ARSJ: variants seen among roughly 807,000 people sequenced by gnomAD.
ARSJ encodes the protein arylsulfatase J.
ARSJ carries 26 observed loss-of-function variants against 35.9 expected under a neutral mutation model. The observed-to-expected ratio is 0.72, with a 90% CI of 0.53 to 1.00. The LOEUF (loss-of-function observed/expected upper bound fraction) is 1.00. Among genes scored for constraint, ARSJ ranks in the 50% least tolerant of loss-of-function variants. The pLI, the probability that ARSJ is intolerant of heterozygous loss-of-function variation, is 0.00. For missense variants in ARSJ, 667 were observed against 723.6 expected (o/e 0.92, Z 0.90); for synonymous variants, 294 against 267.6 (o/e 1.10, Z -0.96).
chr4:113,917,435 T>G (rs1351037866), intron 1 of ARSJ, among the ~76,000 whole-genome samples: 1 of 152,178 alleles, frequency 6.6e-6, no homozygotes, highest in Non-Finnish European at 1.5e-5. Context: ...GGATATTTTA[T>G]AATAATATAA....
intron 1 of ARSJ, among the ~76,000 whole-genome samples, chr4:113,932,417 C>T (rs1270514161): frequency 6.6e-6 from 1 of 152,034 alleles, no homozygotes; most frequent in East Asian, 1.9e-4. Flanking sequence ...TTATTTTCAA[C>T]AGCAAATGGA....
chr4:113,973,253 A>T (rs1010511855), intron 1 of ARSJ, among the ~76,000 whole-genome samples: 1 of 152,036 alleles, frequency 6.6e-6, no homozygotes, highest in Non-Finnish European at 1.5e-5. Flanking sequence ...TACATAACTA[A>T]ATTTTGATCC....
chr4:113,903,629 G>A lies in ARSJ; in HGVS notation c.445C>T (p.Gln149Ter). Residue 149 changes from glutamine (Q) to a stop codon, truncating the protein, a stop_gained, in exon 2 of 2, where the codon CAA (glutamine) becomes TAA (stop). Transcript: ENST00000315366. LOFTEE classifies it high-confidence loss of function. The stretch of plus-strand genomic sequence containing the variant: ...TTGTCCAGAGGTAAACAGTTGGGTT[G>A]GGTAGGTCTTATGATAGAATGTTGA... ...GLQHSIIRPT[Q>*]PNCLPLDNAT... 1 of 1,614,052 alleles carries A rather than the reference G, an allele frequency of 6.2e-7. No individual in the cohort carries two copies.
intron 1 of ARSJ, among the ~76,000 whole-genome samples, chr4:113,962,529 G>A (rs576833383): frequency 4.8e-5 from 6 of 124,554 alleles, no homozygotes; most frequent in African/African-American, 1.5e-4. Flanking sequence ...ACTTGAATTT[G>A]TCCTTGACTC....
Position 113,979,554 on chromosome 4 carries a change from A to C in ARSJ, c.-720T>G, listed in dbSNP as rs1175064394. ...TTTTCCCCGCTGCTAGGGAGCCTGA[A>C]GGCCAAAGCCGGGTCCCTAGCCCCG... On this transcript the variant is annotated 5_prime_UTR_variant, in exon 1 of 2. Transcript: ENST00000315366. 6.6e-6 allele frequency: 1 copy of C among 152,256 alleles called. No individual in the cohort carries two copies. The highest frequency in any genetic ancestry group is 1.9e-4 in the East Asian group (1 of 5,190). 9.4% of individuals were successfully genotyped at this position (152,256 alleles called of 1,614,324 possible).
chr4:113,951,505 C>T (rs940302047), intron 1 of ARSJ, among the ~76,000 whole-genome samples: 91 of 152,040 alleles, frequency 6.0e-4, no homozygotes, highest in Non-Finnish European at 2.9e-5. Context: ...GAAGTCGACA[C>T]TTTATTAAGA....
At chr4:113,971,165 A>T (rs572870680) in intron 1 of ARSJ, among the ~76,000 whole-genome samples, 1 of 152,152 alleles carries the variant, frequency 6.6e-6, no homozygotes, top group South Asian at 2.1e-4. Context: ...CTTACAAAAA[A>T]GATGAAATCA....
chr4:113,904,712 A>T (rs1261766997), intron 1 of ARSJ, among the ~76,000 whole-genome samples: 1 of 152,026 alleles, frequency 6.6e-6, no homozygotes, highest in Non-Finnish European at 1.5e-5. Flanking sequence ...GATGGTCTCG[A>T]TCTCCTGACC....
chr4:113,960,039 T>G (rs1307322507), intron 1 of ARSJ, among the ~76,000 whole-genome samples: 2 of 151,818 alleles, frequency 1.3e-5, no homozygotes, highest in African/African-American at 2.4e-5. Flanking sequence ...ATCATTACGG[T>G]TTTTTTTCAG....
rs1257038078 is a variant in ARSJ at position 113,970,757 on chromosome 4, C to T, written c.398+7680G>A. ...ATCACTTAAGCCCAGGAGTTAGAGA[C>T]CAGCTTGGACAACATGGCAAAACCC... On this transcript the variant is annotated intron_variant, in intron 1 of 1. Coordinates refer to ENST00000315366, the MANE Select transcript of ARSJ (RefSeq NM_024590.4). 7 of 152,286 alleles carry T rather than the reference C, an allele frequency of 4.6e-5. No individual in the cohort carries two copies. In the East Asian group the frequency reaches 1.2e-3, roughly 25 times the overall value. The allele number at this position is 152,286 out of a possible 1,614,324, so 9.4% of individuals were successfully genotyped here.
At chr4:113,938,717 T>C (rs962801595) in intron 1 of ARSJ, among the ~76,000 whole-genome samples, 15 of 151,026 alleles carry the variant, frequency 9.9e-5, no homozygotes, top group African/African-American at 3.6e-4. Flanking sequence ...TTTAAACAAA[T>C]TTACAAGAAA....
chr4:113,963,498 C>A (rs544033091), intron 1 of ARSJ, among the ~76,000 whole-genome samples: 5 of 152,044 alleles, frequency 3.3e-5, no homozygotes, highest in Admixed American at 3.3e-4. Flanking sequence ...CACTCACTAT[C>A]ATGAGAACAG....
chr4:113,950,503 A>G (rs894561391), intron 1 of ARSJ, among the ~76,000 whole-genome samples: 1 of 152,076 alleles, frequency 6.6e-6, no homozygotes, highest in African/African-American at 2.4e-5. Flanking sequence ...ATTCACTGAG[A>G]AACATTATCC....
At chr4:113,940,307 C>A (rs1193704266) in intron 1 of ARSJ, among the ~76,000 whole-genome samples, 1 of 152,060 alleles carries the variant, frequency 6.6e-6, no homozygotes, top group Admixed American at 6.6e-5. Context: ...TACTATGCAG[C>A]CTTAAAAAGG....
At chr4:113,938,686 C>T (rs974959036) in intron 1 of ARSJ, among the ~76,000 whole-genome samples, 4 of 151,364 alleles carry the variant, frequency 2.6e-5, no homozygotes, top group Non-Finnish European at 5.9e-5. Flanking sequence ...GATTACAGAC[C>T]TATCCAGAAT....
At chr4:113,948,063 C>A (rs1725611103) in intron 1 of ARSJ, among the ~76,000 whole-genome samples, 1 of 151,992 alleles carries the variant, frequency 6.6e-6, no homozygotes, top group African/African-American at 2.4e-5. Flanking sequence ...GTGGTGCACA[C>A]ATGTAGTTCC....
At chr4:113,966,489 T>G (rs1176533308) in intron 1 of ARSJ, among the ~76,000 whole-genome samples, 3 of 152,164 alleles carry the variant, frequency 2.0e-5, no homozygotes, top group Non-Finnish European at 4.4e-5. Context: ...GCACATGTGC[T>G]GTCAATGCTG....
intron 1 of ARSJ, among the ~76,000 whole-genome samples, chr4:113,941,897 T>C (rs1006347241): frequency 2.6e-5 from 4 of 152,080 alleles, no homozygotes; most frequent in Non-Finnish European, 4.4e-5. Flanking sequence ...ATTAGAGTTT[T>C]AGAAAGTGAA....
chr4:113,921,117 A>ACACACACACACACT (rs70961862), intron 1 of ARSJ, among the ~76,000 whole-genome samples: 24 of 149,404 alleles, frequency 1.6e-4, no homozygotes, highest in African/African-American at 5.9e-4. Context: ...ACACACACAC[A>ACACACACACACACT]CTTTAAATAA....
Sources: allele counts gnomAD v4.1 joint callset (sites outside exome capture counted in the v4.1 genomes callset), GRCh38; gene constraint gnomAD v4.1.1; transcripts MANE v1.5; gene names NCBI Gene and HGNC (gene_info 2026-07-23, HGNC 2026-07-21).